The following GPC6 variants were observed in gnomAD, a reference collection of about 807,000 sequenced individuals.
The protein encoded by GPC6 is glypican 6.
A neutral mutation model predicts 55.2 loss-of-function variants in GPC6; 14 were observed. The observed-to-expected ratio is 0.25, with a 90% CI of 0.17 to 0.40. The LOEUF (loss-of-function observed/expected upper bound fraction) is 0.40, where lower values mean the gene tolerates loss of function less well. Among genes scored for constraint, GPC6 ranks in the 10% least tolerant of loss-of-function variants. GPC6 has a pLI of 1.00. For missense variants in GPC6, 641 were observed against 708.5 expected, an observed-to-expected ratio of 0.90 and a Z score of 1.08; for synonymous variants, 278 against 259.6, an observed-to-expected ratio of 1.07 and a Z score of -0.68.
intron 2 of GPC6, among the ~76,000 whole-genome samples, chr13:93,605,083 A>G (rs905909809): frequency 2.0e-5 from 3 of 152,100 alleles, no homozygotes; most frequent in African/African-American, 7.2e-5. Flanking sequence ...TGTTGTTTTC[A>G]TGCATTTCAT....
At chr13:93,718,649 C>T (rs1334731500) in intron 2 of GPC6, among the ~76,000 whole-genome samples, 2 of 152,010 alleles carry the variant, frequency 1.3e-5, no homozygotes, top group Non-Finnish European at 2.9e-5. Flanking sequence ...GTTGCAATTG[C>T]TCTTGGTGTT....
chr13:93,668,118 T>C (rs996350718), intron 2 of GPC6, among the ~76,000 whole-genome samples: 4 of 152,200 alleles, frequency 2.6e-5, no homozygotes, highest in Admixed American at 6.5e-5. Context: ...GTGGCCCTCA[T>C]GGAAAATTTC....
At chr13:93,478,492 GA>G (rs1343336636) in intron 1 of GPC6, among the ~76,000 whole-genome samples, 1 of 152,096 alleles carries the variant, frequency 6.6e-6, no homozygotes, top group Non-Finnish European at 1.5e-5. Flanking sequence ...TAATTTACCA[GA>G]AAAAAATTCC....
chr13:94,263,283 G>A (rs1302838758), intron 4 of GPC6, among the ~76,000 whole-genome samples: 1 of 152,188 alleles, frequency 6.6e-6, no homozygotes, highest in Non-Finnish European at 1.5e-5. Context: ...ATAGAAATAT[G>A]ACTTCCATTT....
intron 2 of GPC6, among the ~76,000 whole-genome samples, chr13:93,624,718 C>T (rs567195142): frequency 3.9e-5 from 6 of 152,300 alleles, no homozygotes; most frequent in Non-Finnish European, 7.4e-5. Flanking sequence ...CAAGCCAAAC[C>T]TTGCCATAAA....
At chr13:94,068,726 G>A (rs1045380045) in intron 4 of GPC6, among the ~76,000 whole-genome samples, 1 of 152,198 alleles carries the variant, frequency 6.6e-6, no homozygotes, top group Admixed American at 6.5e-5. Context: ...CTGAAATCCA[G>A]CAGAGAAGTC....
chr13:93,623,152 T>C (rs1021453251), intron 2 of GPC6, among the ~76,000 whole-genome samples: 2 of 152,172 alleles, frequency 1.3e-5, no homozygotes, highest in Non-Finnish European at 2.9e-5. Flanking sequence ...TCTTTATTAA[T>C]TCATCCATTG....
At chr13:93,856,109 G>A (rs1888600752) in intron 3 of GPC6, among the ~76,000 whole-genome samples, 1 of 151,468 alleles carries the variant, frequency 6.6e-6, no homozygotes, top group South Asian at 2.1e-4. Context: ...GAATTGGTGA[G>A]AGAGTATATA....
the GPC6 span, among the ~76,000 whole-genome samples, chr13:93,216,756 T>C: frequency 6.6e-6 from 1 of 152,170 alleles, no homozygotes; most frequent in African/African-American, 2.4e-5. Context: ...GGAAGGCAGG[T>C]ATGTCTGAAA....
chr13:94,050,797 G>A (rs143707670), intron 4 of GPC6, among the ~76,000 whole-genome samples: 49 of 152,214 alleles, frequency 3.2e-4, no homozygotes, highest in Middle Eastern at 3.4e-3. Context: ...CTCTTATTAC[G>A]TTATTACAGT....
rs1464554724 is a variant in GPC6, at chr13:94,372,967, A to G, written c.1153-9447A>G. 3.3e-5 allele frequency among the ~76,000 whole-genome samples: 5 copies of G among 152,294 alleles called. No individual in the cohort carries two copies. In the East Asian group the frequency reaches 9.7e-4, roughly 29 times the overall value. The stretch of plus-strand genomic sequence containing the variant: ...CAGCAGGAGCACACTGACACCTCAC[A>G]CGGCAGGGTATTCCAACAGACCTGC... On this transcript the variant is annotated intron_variant, in intron 6 of 8. Coordinates refer to ENST00000377047, the MANE Select transcript of GPC6 (RefSeq NM_005708.5).
At chr13:93,721,892 G>A (rs1369612690) in intron 2 of GPC6, among the ~76,000 whole-genome samples, 1 of 151,562 alleles carries the variant, frequency 6.6e-6, no homozygotes, top group Non-Finnish European at 1.5e-5. Context: ...TCAAAACACC[G>A]ATGGAAAGGG....
At chr13:94,014,682 A>G (rs1468977374) in intron 3 of GPC6, among the ~76,000 whole-genome samples, 1 of 152,040 alleles carries the variant, frequency 6.6e-6, no homozygotes, top group African/African-American at 2.4e-5. Flanking sequence ...CAGCCCCCAC[A>G]CCTGCTTCCA....
At chr13:94,012,530 AAAC>A (rs1303070417) in intron 3 of GPC6, among the ~76,000 whole-genome samples, 11 of 152,242 alleles carry the variant, frequency 7.2e-5, no homozygotes, top group Non-Finnish European at 1.6e-4. Context: ...ATTGATCAAT[AAAC>A]AATAGCAACA....
chr13:93,607,960 C>T (rs976820587), intron 2 of GPC6, among the ~76,000 whole-genome samples: 1 of 152,204 alleles, frequency 6.6e-6, no homozygotes, highest in Non-Finnish European at 1.5e-5. Context: ...CAAATTCTGC[C>T]TTCCTTATAA....
intron 1 of GPC6, among the ~76,000 whole-genome samples, chr13:93,466,665 T>C (rs1878914083): frequency 6.6e-6 from 1 of 152,220 alleles, no homozygotes; most frequent in Non-Finnish European, 1.5e-5. Flanking sequence ...TTTAAAGTGA[T>C]GGACAGGGTC....
chr13:93,771,828 G>A (rs1279528785), intron 2 of GPC6, among the ~76,000 whole-genome samples: 1 of 152,056 alleles, frequency 6.6e-6, no homozygotes, highest in African/African-American at 2.4e-5. Context: ...TAAGGAACAT[G>A]AAAATGTTTC....
chr13:94,046,807 C>G (rs921840392), intron 4 of GPC6, among the ~76,000 whole-genome samples: 4 of 152,112 alleles, frequency 2.6e-5, no homozygotes, highest in African/African-American at 9.7e-5. Flanking sequence ...GGGCAAGTTG[C>G]TTAAGATTTC....
At chr13:94,373,314 GA>G (rs1203146750) in intron 6 of GPC6, among the ~76,000 whole-genome samples, 2 of 151,436 alleles carry the variant, frequency 1.3e-5, no homozygotes, top group East Asian at 3.9e-4. Flanking sequence ...TGAAAACTTT[GA>G]AAAAAATTTA....
Sources: allele counts gnomAD v4.1 joint callset (sites outside exome capture counted in the v4.1 genomes callset), GRCh38; gene constraint gnomAD v4.1.1; transcripts MANE v1.5; gene names NCBI Gene and HGNC (gene_info 2026-07-23, HGNC 2026-07-21).